Variants in ATP2B2 observed in about 807,000 individuals in gnomAD.
ATP2B2 encodes plasma membrane calcium-transporting ATPase 2.
ATP2B2 carries 15 observed loss-of-function variants against 120.0 expected under a neutral mutation model. That is an observed-to-expected ratio of 0.12 (90% confidence interval 0.08 to 0.19). ATP2B2 has a LOEUF of 0.19. Ranked by LOEUF, ATP2B2 falls within the 10% of genes least tolerant of loss-of-function variation. The probability of loss-of-function intolerance (pLI) is 1.00; values close to 1 mark genes in which losing one functional copy is unlikely to be tolerated. For missense variants in ATP2B2, 1,045 were observed against 1,719.8 expected (o/e 0.61, Z 6.94); for synonymous variants, 694 against 700.3 (o/e 0.99, Z 0.14).
chr3:10,387,605 G>A (rs1446912229), intron 6 of ATP2B2, among the ~76,000 whole-genome samples: 1 of 152,258 alleles, frequency 6.6e-6, no homozygotes, highest in Non-Finnish European at 1.5e-5. Context: ...CTGGCCTGAA[G>A]AGACTTGAGC....
chr3:10,706,821 C>T (rs2071903343), intron 1 of ATP2B2, among the ~76,000 whole-genome samples: 1 of 152,174 alleles, frequency 6.6e-6, no homozygotes, highest in Non-Finnish European at 1.5e-5. Context: ...TAGTAAGAGA[C>T]AGTGTCCCAG....
intron 2 of ATP2B2, among the ~76,000 whole-genome samples, chr3:10,595,061 C>T (rs1204411376): frequency 6.6e-6 from 1 of 152,244 alleles, no homozygotes; most frequent in African/African-American, 2.4e-5. Flanking sequence ...CGGGAGCCCC[C>T]AGCTGATCAG....
At chr3:10,331,407 C>A (rs1030136089) in intron 22 of ATP2B2, among the ~76,000 whole-genome samples, 1 of 152,238 alleles carries the variant, frequency 6.6e-6, no homozygotes, top group Admixed American at 6.5e-5. Context: ...AATTCAGATG[C>A]TGACTGGAAC....
chr3:10,593,878 C>A (rs1361013409), intron 2 of ATP2B2, among the ~76,000 whole-genome samples: 1 of 113,810 alleles, frequency 8.8e-6, no homozygotes. Context: ...GAAAAAAAAC[C>A]AAACAACTCC....
At chr3:10,392,967 G>A (rs113886682) in intron 5 of ATP2B2, among the ~76,000 whole-genome samples, 1 of 152,240 alleles carries the variant, frequency 6.6e-6, no homozygotes, top group Non-Finnish European at 1.5e-5. Context: ...GCAGAGGCCC[G>A]TGTGGACAGA....
chr3:10,472,533 C>A (rs1205781463), intron 1 of ATP2B2, among the ~76,000 whole-genome samples: 2 of 152,198 alleles, frequency 1.3e-5, no homozygotes, highest in Admixed American at 6.5e-5. Flanking sequence ...ATTTTGAGAG[C>A]TGAGCAGCCA....
intron 1 of ATP2B2, among the ~76,000 whole-genome samples, chr3:10,642,867 T>C (rs2070212619): frequency 6.6e-6 from 1 of 152,110 alleles, no homozygotes; most frequent in Non-Finnish European, 1.5e-5. Flanking sequence ...TTCCTCCCCA[T>C]ACACTGAGGG....
At chr3:10,338,458 C>T (rs2060187821) in intron 21 of ATP2B2, 100 bp from the exon 22 acceptor site, 1 of 1,292,708 alleles carries the variant, frequency 7.7e-7, no homozygotes, top group African/African-American at 1.5e-5. Flanking sequence ...TACCCGCTCA[C>T]CCAGGCATGT....
At chr3:10,567,134 G>A (rs2068027143) in intron 2 of ATP2B2, among the ~76,000 whole-genome samples, 1 of 152,148 alleles carries the variant, frequency 6.6e-6, no homozygotes, top group Admixed American at 6.5e-5. Flanking sequence ...GTCTCTCCTG[G>A]TGTCAATCTT....
At chr3:10,455,297 C>G (rs1293532870) in intron 1 of ATP2B2, among the ~76,000 whole-genome samples, 2 of 152,170 alleles carry the variant, frequency 1.3e-5, no homozygotes, top group African/African-American at 4.8e-5. Context: ...AATGAGGCAT[C>G]AGAGTGAGGG....
chr3:10,385,356 G>A (rs1559264190), intron 7 of ATP2B2, 29 bp from the exon 8 acceptor site: 3 of 1,605,542 alleles, frequency 1.9e-6, no homozygotes. Context: ...GATGGAAAAT[G>A]CAGTGTCACA....
intron 2 of ATP2B2, among the ~76,000 whole-genome samples, chr3:10,587,341 T>TAC (rs1182617689): frequency 6.6e-6 from 1 of 151,562 alleles, no homozygotes; most frequent in Non-Finnish European, 1.5e-5. Context: ...TATATGTATA[T>TAC]ATATAAAGAG....
At chr3:10,386,737 G>T (rs1479398717) in intron 6 of ATP2B2, among the ~76,000 whole-genome samples, 1 of 152,158 alleles carries the variant, frequency 6.6e-6, no homozygotes, top group Non-Finnish European at 1.5e-5. Flanking sequence ...GCTCATGGTG[G>T]CCTGAGATGC....
intron 1 of ATP2B2, among the ~76,000 whole-genome samples, chr3:10,644,054 G>GA (rs1279808064): frequency 1.2e-4 from 19 of 152,246 alleles, no homozygotes; most frequent in Middle Eastern, 3.4e-3. Context: ...CCAGAATACA[G>GA]AAAAAACTAA....
At chr3:10,659,991 A>G (rs1466330179) in intron 1 of ATP2B2, among the ~76,000 whole-genome samples, 1 of 152,214 alleles carries the variant, frequency 6.6e-6, no homozygotes, top group East Asian at 1.9e-4. Context: ...CTGCTCCTGA[A>G]TGACTACTGG....
rs556996244 is a variant in ATP2B2 at position 10,520,764 on chromosome 3, T to C, written c.-320+13275A>G. ...AGCCACCACACCTGGCCTCTTTTTT[T>C]TTTTTTCTTTTTTTTCTTTGCCTAC... On this transcript the variant is annotated intron_variant, in intron 3 of 21. Coordinates refer to the ATP2B2 transcript ENST00000646379. Among the ~76,000 whole-genome samples, 17 of 151,692 alleles carry C rather than the reference T, an allele frequency of 1.1e-4. No homozygotes were observed. The Middle Eastern group carries it at 0.01, about 91-fold the overall frequency.
chr3:10,509,438 C>T (rs2066715659), upstream of ATP2B2, among the ~76,000 whole-genome samples: 1 of 152,160 alleles, frequency 6.6e-6, no homozygotes, highest in South Asian at 2.1e-4. Context: ...TCTCACATTC[C>T]TGTCTCCTCT....
chr3:10,669,278 A>G (rs1372384940), intron 1 of ATP2B2, among the ~76,000 whole-genome samples: 1 of 152,074 alleles, frequency 6.6e-6, no homozygotes, highest in African/African-American at 2.4e-5. Context: ...AGGCTGCAAG[A>G]TTTCCCTGAG....
intron 2 of ATP2B2, chr3:10,566,369 G>A (rs942146224): frequency 2.0e-5 from 3 of 152,116 alleles, no homozygotes; most frequent in African/African-American, 7.2e-5. Context: ...TGGTCCCATT[G>A]GATCCAACAT....
Sources: allele counts gnomAD v4.1 joint callset (sites outside exome capture counted in the v4.1 genomes callset), GRCh38; gene constraint gnomAD v4.1.1; transcripts MANE v1.5; gene names NCBI Gene and HGNC (gene_info 2026-07-23, HGNC 2026-07-21).